SLC12A1: variants seen among roughly 807,000 people sequenced by gnomAD.
SLC12A1 encodes solute carrier family 12 member 1.
SLC12A1 carries 89 observed loss-of-function variants against 130.4 expected under a neutral mutation model. The observed-to-expected ratio is 0.68, with a 90% CI of 0.58 to 0.81. SLC12A1 has a LOEUF of 0.81. SLC12A1 is among the 40% of genes least tolerant of loss of function. The pLI is 0.00. For missense variants in SLC12A1, 1,310 were observed against 1,336.4 expected (o/e 0.98, Z 0.31); for synonymous variants, 499 against 460.0 (o/e 1.08, Z -1.09).
chr15:48,241,694 T>A lies in SLC12A1; in HGVS notation c.1300+95T>A, dbSNP rs1597420312. The A allele has an allele frequency of 3.5e-6, 3 of 853,266 alleles. No homozygotes were observed. The East Asian group carries it at 7.3e-5, about 21-fold the overall frequency. 52.9% of individuals were successfully genotyped at this position (853,266 alleles called of 1,614,324 possible). A position where few individuals can be genotyped will look rare whatever the true frequency, so the allele number is the denominator to read the frequency against. ...TTTCAATGCAGCATAAATACAGAGT[T>A]TTTTAAAAGGCAACAATTTTAATTC... On this transcript the variant is annotated intron_variant, in intron 10 of 26. Transcript: ENST00000380993.
chr15:48,281,758 G>T (rs1272384348), intron 20 of SLC12A1, among the ~76,000 whole-genome samples: 5 of 152,228 alleles, frequency 3.3e-5, no homozygotes, highest in Non-Finnish European at 7.3e-5. Context: ...AATTAAAAAT[G>T]TAGTCGTGAT....
intron 20 of SLC12A1, among the ~76,000 whole-genome samples, chr15:48,283,228 T>C (rs889752356): frequency 6.6e-6 from 1 of 152,224 alleles, no homozygotes; most frequent in Admixed American, 6.5e-5. Context: ...ACTTTGTTTA[T>C]TCTTTTTGCA....
At chr15:48,261,931 G>C (rs989424527) in intron 17 of SLC12A1, among the ~76,000 whole-genome samples, 4 of 152,128 alleles carry the variant, frequency 2.6e-5, no homozygotes, top group African/African-American at 9.7e-5. Flanking sequence ...TAGCACCTAT[G>C]TTATAGAGTT....
chr15:48,220,894 T>C, intron 3 of SLC12A1, 27 bp from the exon 4 acceptor site: 1 of 1,613,504 alleles, frequency 6.2e-7, no homozygotes, highest in Admixed American at 1.7e-5. Flanking sequence ...TTGTCCTGTC[T>C]CCTTTCAATA....
Position 48,303,898 on chromosome 15 carries a change from T to C in SLC12A1, c.*1013T>C, listed in dbSNP as rs1351012814. On this transcript the variant is annotated 3_prime_UTR_variant, in exon 27 of 27. Coordinates refer to ENST00000380993, the MANE Select transcript of SLC12A1 (RefSeq NM_000338.3). ...ACTTGTAAAATTTGGAATATACAGA[T>C]ACTGATTTTTTTCATTTTTGTTAGT... is the stretch of plus-strand genomic sequence containing the variant. 6.6e-6 allele frequency: 1 copy of C among 152,242 alleles called. No homozygotes were observed. Among genetic ancestry groups the C allele is most frequent in the East Asian group, 1.9e-4 (1 of 5,204 alleles). The allele number at this position is 152,242 out of a possible 1,614,324, so 9.4% of individuals were successfully genotyped here. A position where few individuals can be genotyped will look rare whatever the true frequency, so the allele number is the denominator to read the frequency against.
In SLC12A1 at chr15:48,301,347, A is replaced by G. The variant is rs2042229934; in HGVS notation, c.3129A>G (p.Leu1043=). The G allele has an allele frequency of 1.9e-6, 3 of 1,600,232 alleles. No individual in the cohort carries two copies. The highest frequency in any genetic ancestry group is 1.7e-4 in the Middle Eastern group (1 of 6,044). ...GCCAAGTTCGACTGAATGAACTCTT[A>G]CAGGAGCACTCCAGAGCTGCTAATC... The part of the protein sequence containing the change: ...SYRQVRLNEL[L]QEHSRAANLI... The change falls in exon 26 of 27, where the codon TTA becomes TTG. Residue 1043 remains leucine (L), a synonymous_variant. Transcript: ENST00000380993.
In SLC12A1 at chr15:48,255,823, G is replaced by T. The variant is rs372741953; in HGVS notation, c.1955G>T (p.Gly652Val). 2 of 1,604,730 alleles carry T rather than the reference G, an allele frequency of 1.2e-6. No individual in the cohort carries two copies. Among genetic ancestry groups the T allele is most frequent in the South Asian group, 2.2e-5 (2 of 89,006 alleles). ...CCTTTATCCACAGATGTGAACTGGG[G>T]CTCCTCCACACAGGCTCTTTCCTAC... ...VTCKKPDVNW[G>V]SSTQALSYVS... Residue 652 changes from glycine to valine, a missense_variant, in exon 16 of 27, where the codon GGC (glycine) becomes GTC (valine). Transcript: ENST00000380993.
intron 10 of SLC12A1, 38 bp from the exon 11 acceptor site, chr15:48,244,715 C>T: frequency 1.9e-6 from 3 of 1,610,900 alleles, no homozygotes; most frequent in Middle Eastern, 1.7e-4. Context: ...GGGACCAGAA[C>T]TTTATAAAGA....
intron 20 of SLC12A1, among the ~76,000 whole-genome samples, chr15:48,280,240 T>A (rs2141104953): frequency 6.6e-6 from 1 of 150,798 alleles, no homozygotes; most frequent in East Asian, 2.0e-4. Flanking sequence ...TTTCAAAAAA[T>A]AATCACTCCA....
intron 9 of SLC12A1, chr15:48,235,384 T>G (rs2041428878): frequency 3.5e-6 from 1 of 287,912 alleles, no homozygotes; most frequent in Admixed American, 4.8e-5. Context: ...AATAATCACA[T>G]TTTCACTTAG....
chr15:48,284,350 A>C (rs1472365309), intron 20 of SLC12A1, among the ~76,000 whole-genome samples: 1 of 152,198 alleles, frequency 6.6e-6, no homozygotes, highest in Non-Finnish European at 1.5e-5. Context: ...CAATTCATGA[A>C]GCATTGTTGT....
At position 48,207,995 on chromosome 15, in the gene SLC12A1, C is replaced by T. The variant is rs1257857922; in HGVS notation, c.276C>T (p.His92=). ...CCAGTTTTCACGCTTATGATTCTCA[C>T]ACAAACACATACTATCTACAAACTT... The part of the protein sequence containing the change: ...TDASFHAYDS[H]TNTYYLQTFG... Residue 92 remains histidine, a synonymous_variant, in exon 2 of 27, where the codon CAC becomes CAT. Transcript: ENST00000380993. 6.2e-7 allele frequency: 1 copy of T among 1,613,990 alleles called. No homozygotes were observed. The highest frequency in any genetic ancestry group is 8.5e-7 in the Non-Finnish European group (1 of 1,179,892).
At chr15:48,245,948 G>A (rs959784966) in intron 11 of SLC12A1, among the ~76,000 whole-genome samples, 3 of 152,226 alleles carry the variant, frequency 2.0e-5, no homozygotes, top group South Asian at 2.1e-4. Context: ...CAGAGGGAAC[G>A]TAAATAAGGG....
chr15:48,227,085 G>A, intron 5 of SLC12A1: 1 of 1,551,626 alleles, frequency 6.4e-7, no homozygotes, highest in South Asian at 1.2e-5. Context: ...GCAGGTCTTG[G>A]AGTCATCATC....
intron 10 of SLC12A1, among the ~76,000 whole-genome samples, chr15:48,242,621 A>G (rs981714103): frequency 6.6e-6 from 1 of 152,084 alleles, no homozygotes; most frequent in African/African-American, 2.4e-5. Context: ...GGGAAAACAT[A>G]GAGAGACCCC....
chr15:48,281,694 C>T (rs908669711), intron 20 of SLC12A1, among the ~76,000 whole-genome samples: 1 of 152,060 alleles, frequency 6.6e-6, no homozygotes, highest in Non-Finnish European at 1.5e-5. Context: ...TGCATGCATC[C>T]CAGTATTCGT....
intron 4 of SLC12A1, 115 bp from the exon 5 acceptor site, chr15:48,226,361 T>C (rs1258209209): frequency 3.2e-6 from 2 of 626,268 alleles, no homozygotes; most frequent in East Asian, 6.1e-5. Flanking sequence ...GAAACCCCGT[T>C]GGAGCCCGAG....
At chr15:48,251,805 ATCTC>A (rs760949579) in intron 15 of SLC12A1, 35 bp downstream of exon 15, 21 of 1,593,522 alleles carry the variant, frequency 1.3e-5, no homozygotes, top group Admixed American at 6.7e-5. Flanking sequence ...GCGTTTCCAA[ATCTC>A]TCTCTAACTA....
chr15:48,246,101 A>G (rs2041577063), intron 11 of SLC12A1, among the ~76,000 whole-genome samples: 1 of 152,226 alleles, frequency 6.6e-6, no homozygotes, highest in African/African-American at 2.4e-5. Context: ...AAATTAACTC[A>G]GCTGAAGTCA....
Sources: allele counts gnomAD v4.1 joint callset (sites outside exome capture counted in the v4.1 genomes callset), GRCh38; gene constraint gnomAD v4.1.1; transcripts MANE v1.5; gene names NCBI Gene and HGNC (gene_info 2026-07-23, HGNC 2026-07-21).